FRMD4A: variants seen among roughly 807,000 people sequenced by gnomAD.
The protein encoded by FRMD4A is FERM domain containing 4A.
A neutral mutation model predicts 129.1 loss-of-function variants in FRMD4A; 29 were observed. The ratio of observed to expected loss-of-function variants is 0.22; its 90% CI spans 0.17 to 0.31. The LOEUF (loss-of-function observed/expected upper bound fraction) is 0.31. Among genes scored for constraint, FRMD4A ranks in the 10% least tolerant of loss-of-function variants. FRMD4A has a pLI of 1.00. For missense variants in FRMD4A, 1,272 were observed against 1,375.8 expected (o/e 0.92, Z 1.19); for synonymous variants, 634 against 571.6 (o/e 1.11, Z -1.56).
At chr10:14,162,297 G>A (rs142896548) in intron 2 of FRMD4A, among the ~76,000 whole-genome samples, 1 of 152,292 alleles carries the variant, frequency 6.6e-6, no homozygotes, top group African/African-American at 2.4e-5. Context: ...GCTGGGATGT[G>A]TCTACTTCTG....
chr10:14,307,692 G>A (rs1323599880), intron 2 of FRMD4A, among the ~76,000 whole-genome samples: 1 of 152,182 alleles, frequency 6.6e-6, no homozygotes, highest in Non-Finnish European at 1.5e-5. Flanking sequence ...CAGAAATAAG[G>A]AGAAGAGATT....
intron 8 of FRMD4A, among the ~76,000 whole-genome samples, chr10:13,755,134 A>G (rs1487313380): frequency 1.3e-5 from 2 of 152,242 alleles, no homozygotes; most frequent in Non-Finnish European, 2.9e-5. Flanking sequence ...AAAGATCGCA[A>G]TCGATATAAA....
intron 2 of FRMD4A, among the ~76,000 whole-genome samples, chr10:14,053,714 A>T (rs958004933): frequency 6.6e-6 from 1 of 151,866 alleles, no homozygotes; most frequent in Non-Finnish European, 1.5e-5. Flanking sequence ...GCCCCCATCC[A>T]CCTCCATCAA....
chr10:14,261,941 AACACACAC>A (rs55763234), intron 2 of FRMD4A, among the ~76,000 whole-genome samples: 7,793 of 128,240 alleles, frequency 0.061, 237 homozygotes, highest in South Asian at 0.16. Flanking sequence ...CACCACACCA[AACACACAC>A]ACACACACAC....
At chr10:14,077,472 A>G in intron 2 of FRMD4A, among the ~76,000 whole-genome samples, 1 of 152,214 alleles carries the variant, frequency 6.6e-6, no homozygotes, top group East Asian at 1.9e-4. Context: ...TTGTTATGAG[A>G]CTTAAAGTGT....
intron 3 of FRMD4A, among the ~76,000 whole-genome samples, chr10:13,832,750 C>A (rs976054920): frequency 6.6e-6 from 1 of 152,084 alleles, no homozygotes; most frequent in Non-Finnish European, 1.5e-5. Context: ...AGTGATCCTC[C>A]CACCTCAGCC....
chr10:13,660,781 G>A lies in FRMD4A; in HGVS notation c.1661-228C>T, dbSNP rs1043410893. On this transcript the variant is annotated intron_variant, in intron 19 of 24. Coordinates refer to ENST00000357447, the MANE Select transcript of FRMD4A (RefSeq NM_018027.5). ...CTCCACTGCAGGCGGGATTGCATGG[G>A]AAGAGATGCGTCACTTTTGATTAGA... is the stretch of plus-strand genomic sequence containing the variant. Among the ~76,000 whole-genome samples the A allele has an allele frequency of 2.0e-5, 3 of 152,214 alleles. No individual in the cohort carries two copies. The South Asian group carries it at 6.2e-4, about 32-fold the overall frequency.
At chr10:14,133,647 G>C (rs2131831569) in intron 2 of FRMD4A, among the ~76,000 whole-genome samples, 1 of 152,352 alleles carries the variant, frequency 6.6e-6, no homozygotes, top group South Asian at 2.1e-4. Context: ...AGCTCCCTTA[G>C]AGAACCATTC....
rs779471389 is a variant in FRMD4A, at chr10:14,010,664, C to CTTTTTTTTTTTTTTTTTTT, written c.46-151771_46-151753dup. 2.2e-4 allele frequency among the ~76,000 whole-genome samples: 17 copies of CTTTTTTTTTTTTTTTTTTT among 76,428 alleles called. 2 individuals are homozygous for CTTTTTTTTTTTTTTTTTTT. The highest frequency in any genetic ancestry group is 6.4e-4 in the East Asian group (1 of 1,566). 50.1% of individuals were successfully genotyped at this position (76,428 alleles called of 152,430 possible). ...TCAAAATTAATTGTCGAGTTTAGGT[C>CTTTTTTTTTTTTTTTTTTT]TTTTTTTTTTTTTTTTTTTTTTTTA... On this transcript the variant is annotated intron_variant, in intron 2 of 24. Transcript: ENST00000357447.
intron 2 of FRMD4A, among the ~76,000 whole-genome samples, chr10:14,014,482 A>C (rs1466052451): frequency 1.3e-5 from 2 of 152,206 alleles, no homozygotes; most frequent in African/African-American, 4.8e-5. Flanking sequence ...GTGTTTCTTC[A>C]ACATTCCATC....
chr10:14,222,449 T>A (rs915424258), intron 2 of FRMD4A, among the ~76,000 whole-genome samples: 6 of 152,086 alleles, frequency 3.9e-5, no homozygotes, highest in African/African-American at 1.2e-4. Flanking sequence ...ATCAGAATCA[T>A]CTTTGGAGAG....
At chr10:13,924,115 T>C (rs1374415782) in intron 2 of FRMD4A, among the ~76,000 whole-genome samples, 6 of 152,210 alleles carry the variant, frequency 3.9e-5, no homozygotes, top group Non-Finnish European at 5.9e-5. Flanking sequence ...TTCCCCACTT[T>C]TATACTATGT....
intron 16 of FRMD4A, among the ~76,000 whole-genome samples, chr10:13,670,908 G>T (rs61280227): frequency 6.6e-6 from 1 of 152,088 alleles, no homozygotes; most frequent in Non-Finnish European, 1.5e-5. Context: ...AGCAGTGTCA[G>T]CGTGAGTTCT....
intron 2 of FRMD4A, among the ~76,000 whole-genome samples, chr10:14,309,531 A>G (rs2132102755): frequency 6.6e-6 from 1 of 152,326 alleles, no homozygotes; most frequent in Admixed American, 6.5e-5. Flanking sequence ...TTAGAACTTC[A>G]GAGGTTAAGG....
intron 2 of FRMD4A, among the ~76,000 whole-genome samples, chr10:14,291,060 C>T (rs528002806): frequency 2.6e-5 from 4 of 152,146 alleles, no homozygotes; most frequent in Non-Finnish European, 4.4e-5. Context: ...ACCATTACTT[C>T]CTGAGAGTGA....
chr10:14,001,757 T>C (rs2095643572), intron 2 of FRMD4A, among the ~76,000 whole-genome samples: 1 of 152,190 alleles, frequency 6.6e-6, no homozygotes, highest in Non-Finnish European at 1.5e-5. Context: ...GAGAGGCGTA[T>C]ATTTATAGAA....
chr10:14,099,395 T>A (rs1480130252), intron 2 of FRMD4A, among the ~76,000 whole-genome samples: 6 of 152,350 alleles, frequency 3.9e-5, no homozygotes, highest in Non-Finnish European at 7.3e-5. Flanking sequence ...TAGCTATGAC[T>A]TCTCAAACAC....
chr10:13,885,557 C>G (rs758072919), intron 2 of FRMD4A, among the ~76,000 whole-genome samples: 12 of 152,200 alleles, frequency 7.9e-5, no homozygotes, highest in Non-Finnish European at 1.2e-4. Context: ...CTAGATACCC[C>G]CTTTCATTCC....
At chr10:14,275,924 A>G (rs1430968191) in intron 2 of FRMD4A, among the ~76,000 whole-genome samples, 1 of 152,214 alleles carries the variant, frequency 6.6e-6, no homozygotes, top group African/African-American at 2.4e-5. Context: ...CTGCAGTCTC[A>G]GCTACTCAGG....
Sources: gnomAD v4.1 joint callset for allele counts (sites outside exome capture counted in the v4.1 genomes callset) on GRCh38, gnomAD v4.1.1 for gene constraint, MANE v1.5 for transcripts, NCBI Gene and HGNC (gene_info 2026-07-23, HGNC 2026-07-21) for gene names.